MLC1: variants seen among roughly 807,000 people sequenced by gnomAD.
The protein encoded by MLC1 is modulator of VRAC current 1.
In MLC1, 32 loss-of-function variants were observed where a neutral mutation model predicts 44.7. The observed-to-expected ratio is 0.72, with a 90% CI of 0.54 to 0.96. MLC1 has a LOEUF of 0.96. Among genes scored for constraint, MLC1 ranks in the 40% least tolerant of loss-of-function variants. MLC1 has a pLI of 0.00. For missense variants in MLC1, 459 were observed against 492.2 expected, an observed-to-expected ratio of 0.93 and a Z score of 0.64; for synonymous variants, 190 against 213.0, an observed-to-expected ratio of 0.89 and a Z score of 0.94.
intron 11 of MLC1, 118 bp from the exon 12 acceptor site, chr22:50,061,775 T>A: frequency 2.2e-6 from 2 of 922,124 alleles, no homozygotes; most frequent in Non-Finnish European, 3.5e-6. Flanking sequence ...TCTTCGAATG[T>A]GAAGGAAGTG....
intron 11 of MLC1, among the ~76,000 whole-genome samples, chr22:50,062,628 C>G (rs1429351224): frequency 6.6e-6 from 1 of 152,240 alleles, no homozygotes; most frequent in Non-Finnish European, 1.5e-5. Flanking sequence ...AGGCTCTGCA[C>G]CAAGGTTCTG....
At chr22:50,065,214 C>G (rs181242625) in intron 10 of MLC1, among the ~76,000 whole-genome samples, 1 of 152,162 alleles carries the variant, frequency 6.6e-6, no homozygotes, top group Non-Finnish European at 1.5e-5. Flanking sequence ...CCACTACGCC[C>G]GGCCTGGATT....
At chr22:50,085,278 A>T (rs1224053975) in intron 1 of MLC1, 77 bp downstream of exon 1, 43 of 1,029,992 alleles carry the variant, frequency 4.2e-5, no homozygotes, top group Non-Finnish European at 5.3e-5. Context: ...CAAGCACGTT[A>T]AACTGCTCCA....
At chr22:50,080,983 G>A (rs909166768) in intron 3 of MLC1, among the ~76,000 whole-genome samples, 9 of 63,738 alleles carry the variant, frequency 1.4e-4, no homozygotes, top group Non-Finnish European at 2.9e-4. Flanking sequence ...TGAATACTCG[G>A]TGATAGAGTG....
Position 50,083,287 on chromosome 22 carries a change from A to C in MLC1, c.178-114T>G. 1 of 930,426 alleles carries C rather than the reference A, an allele frequency of 1.1e-6. No homozygotes were observed. Among genetic ancestry groups the C allele is most frequent in the Middle Eastern group, 2.6e-4 (1 of 3,834 alleles). The allele number at this position is 930,426 out of a possible 1,614,324, so 57.6% of individuals were successfully genotyped here. On this transcript the variant is annotated intron_variant, in intron 2 of 11. Coordinates refer to ENST00000311597, the MANE Select transcript of MLC1 (RefSeq NM_015166.4). The surrounding 1 kb of genome is among the most constrained non-coding windows in gnomAD (Gnocchi z 4.6). ...TATTGGTGACTCACCCACGTCCCCC[A>C]GCATCAACCACACCCGCACCTGGGA...
At position 50,083,358 on chromosome 22, in the gene MLC1, G is replaced by A. The variant is rs2062197051; in HGVS notation, c.178-185C>T. On this transcript the variant is annotated intron_variant, in intron 2 of 11. Transcript: ENST00000311597. The surrounding 1 kb of genome is among the most constrained non-coding windows in gnomAD (Gnocchi z 4.6). Reference sequence around the variant, plus strand: ...CCTGTAGGACAGACGCAGCCCCGCCGCAGCCCAGGACATGGACCAGCCTCC... The same window carrying A: ...CCTGTAGGACAGACGCAGCCCCGCCACAGCCCAGGACATGGACCAGCCTCC... 1.3e-5 allele frequency among the ~76,000 whole-genome samples: 2 copies of A among 151,994 alleles called. No individual in the cohort carries two copies. Among genetic ancestry groups the A allele is most frequent in the Admixed American group, 6.6e-5 (1 of 15,264 alleles).
intron 6 of MLC1, 57 bp downstream of exon 6, chr22:50,077,344 C>A: frequency 6.6e-7 from 1 of 1,510,314 alleles, no homozygotes; most frequent in South Asian, 1.1e-5. Context: ...CCACCTCGCT[C>A]ACCCTGGGGT....
At position 50,070,495 on chromosome 22, in the gene MLC1, C is replaced by T. The variant is rs1040975461; in HGVS notation, c.771+32G>A. 5 of 1,550,156 alleles carry T rather than the reference C, an allele frequency of 3.2e-6. No individual in the cohort carries two copies. The African/African-American group carries it at 5.5e-5, about 17-fold the overall frequency. ...CAGGCCCTGGCCCCGCTCGGTGGGT[C>T]CCTGGCACCCAGGGCTGAGGGGTTC... On this transcript the variant is annotated intron_variant, in intron 9 of 11. Transcript: ENST00000311597.
At chr22:50,074,144 C>T (rs551328230) in intron 8 of MLC1, 72 bp downstream of exon 8, 16 of 1,309,454 alleles carry the variant, frequency 1.2e-5, no homozygotes, top group East Asian at 2.4e-5. Flanking sequence ...AGACTGAGCT[C>T]GGGGCCCAGC....
chr22:50,068,414 G>T lies in MLC1; in HGVS notation c.894+19C>A. 1 of 1,612,466 alleles carries T rather than the reference G, an allele frequency of 6.2e-7. No individual in the cohort carries two copies. Among genetic ancestry groups the T allele is most frequent in the South Asian group, 1.1e-5 (1 of 90,996 alleles). Reference sequence around the variant, plus strand: ...GAGCACCACATGTCTGGGGGGCTCTGAAATAAAATACAACTCACTTTTATG... The same window carrying T: ...GAGCACCACATGTCTGGGGGGCTCTTAAATAAAATACAACTCACTTTTATG... On this transcript the variant is annotated intron_variant, in intron 10 of 11. Transcript: ENST00000311597.
At chr22:50,068,626 G>T in intron 9 of MLC1, 71 bp from the exon 10 acceptor site, 5 of 1,506,072 alleles carry the variant, frequency 3.3e-6, no homozygotes, top group Non-Finnish European at 4.6e-6. Context: ...CGTGGCCAGG[G>T]CTGGGGGGGC....
At position 50,061,603 on chromosome 22, in the gene MLC1, C is replaced by T. The variant is rs200459777; in HGVS notation, c.1114G>A (p.Val372Met). The change falls in exon 12 of 12, where the codon GTG becomes ATG. Residue 372 changes from valine (V) to methionine (M), a missense_variant. By Grantham distance (21) the Val-to-Met change is conservative (BLOSUM62 1). Coordinates refer to ENST00000311597, the MANE Select transcript of MLC1 (RefSeq NM_015166.4). The stretch of plus-strand genomic sequence containing the variant: ...GGGGGTCACTGGGCCATTTGCACCA[C>T]GACGGCTCTCCAGGCTTTCTCCTTG... ...FDKEKAWRAVVVQMAQ is the reference protein window; with the variant it reads ...FDKEKAWRAVMVQMAQ The T allele has an allele frequency of 2.6e-5, 42 of 1,613,860 alleles. No individual in the cohort carries two copies. The East Asian group carries it at 6.9e-4, about 27-fold the overall frequency.
At chr22:50,074,003 TATAAA>T (rs2061920383) in intron 8 of MLC1, among the ~76,000 whole-genome samples, 1 of 152,154 alleles carries the variant, frequency 6.6e-6, no homozygotes, top group Non-Finnish European at 1.5e-5. Context: ...GGAAAAATAA[TATAAA>T]ATAATCACAC....
At chr22:50,080,479 A>G in intron 3 of MLC1, 82 bp from the exon 4 acceptor site, 2 of 1,405,478 alleles carry the variant, frequency 1.4e-6, no homozygotes, top group East Asian at 5.0e-5. Context: ...TTGCGCTTCC[A>G]GAAGGATCTG....
In MLC1 at chr22:50,083,889, A is replaced by G. The variant is rs1421015930; in HGVS notation, c.178-716T>C. Among the ~76,000 whole-genome samples, 1 of 151,816 alleles carries G rather than the reference A, an allele frequency of 6.6e-6. No homozygotes were observed. Among genetic ancestry groups the G allele is most frequent in the Non-Finnish European group, 1.5e-5 (1 of 67,946 alleles). On this transcript the variant is annotated intron_variant, in intron 2 of 11. Transcript: ENST00000311597. The surrounding 1 kb of genome is among the most constrained non-coding windows in gnomAD (Gnocchi z 4.6). ...CGACCAAGTCCAGGGCACCAGGTGGAGGAGGGCAGAGCCCGGAGATGGCCA... is the reference window on the plus strand; with the variant it reads ...CGACCAAGTCCAGGGCACCAGGTGGGGGAGGGCAGAGCCCGGAGATGGCCA...
In MLC1 at chr22:50,059,416, C is replaced by T. The variant is rs886057618; in HGVS notation, c.*2167G>A. The T allele has an allele frequency of 2.0e-5, 3 of 152,346 alleles. No individual in the cohort carries two copies. The highest frequency in any genetic ancestry group is 4.4e-5 in the Non-Finnish European group (3 of 68,042). 9.4% of individuals were successfully genotyped at this position (152,346 alleles called of 1,614,324 possible). ...CACGTCTGCAAGTCAGCGTTTATTG[C>T]TCAAGCGTATTAAACAAAAATGTAG... On this transcript the variant is annotated 3_prime_UTR_variant, in exon 12 of 12. Transcript: ENST00000311597.
At position 50,076,749 on chromosome 22, in the gene MLC1, G is replaced by C. The variant is rs889128320; in HGVS notation, c.597+92C>G. On this transcript the variant is annotated intron_variant, in intron 7 of 11. Transcript: ENST00000311597. ...ATGCGGTGTAGACAGCCAACTCTTC[G>C]CCAACTCGGAATCGAAACGTGACGT... 5 of 1,409,130 alleles carry C rather than the reference G, an allele frequency of 3.5e-6. No individual in the cohort carries two copies. The African/African-American group carries it at 5.6e-5, about 16-fold the overall frequency. 87.3% of individuals were successfully genotyped at this position (1,409,130 alleles called of 1,614,324 possible).
At chr22:50,077,612 G>A (rs777582647) in intron 5 of MLC1, 110 bp from the exon 6 acceptor site, 10 of 862,402 alleles carry the variant, frequency 1.2e-5, no homozygotes, top group Non-Finnish European at 1.9e-5. Context: ...TCTCAGCCAC[G>A]GTCCCCACTT....
At chr22:50,077,592 T>A in intron 5 of MLC1, 90 bp from the exon 6 acceptor site, 1 of 1,046,922 alleles carries the variant, frequency 9.6e-7, no homozygotes, top group African/African-American at 1.6e-5. Context: ...ACGGGCAGGC[T>A]GCGCAGGACT....
Sources: gnomAD v4.1 joint callset for allele counts (sites outside exome capture counted in the v4.1 genomes callset) on GRCh38, gnomAD v4.1.1 for gene constraint, Gnocchi (gnomAD v3.1) non-coding constraint, MANE v1.5 for transcripts, NCBI Gene and HGNC (gene_info 2026-07-23, HGNC 2026-07-21) for gene names.